The following USH2A variants were observed in gnomAD, a reference collection of about 807,000 sequenced individuals.
USH2A encodes the protein usherin, also known as Usher syndrome 2A (autosomal recessive, mild).
A neutral mutation model predicts 538.9 loss-of-function variants in USH2A; 443 were observed. The observed-to-expected ratio is 0.82, with a 90% CI of 0.76 to 0.89. USH2A has a LOEUF of 0.89. Ranked by LOEUF, USH2A falls within the 40% of genes least tolerant of loss-of-function variation. The probability of loss-of-function intolerance (pLI) is 0.00; values close to 1 mark genes in which losing one functional copy is unlikely to be tolerated. For synonymous variants in USH2A, 2,413 were observed against 2,273.5 expected (o/e 1.06, Z -1.75); for missense variants, 6,633 against 6,324.8 (o/e 1.05, Z -1.65).
At chr1:215,935,701 T>C (rs1185121113) in intron 37 of USH2A, among the ~76,000 whole-genome samples, 1 of 151,912 alleles carries the variant, frequency 6.6e-6, no homozygotes, top group African/African-American at 2.4e-5. Flanking sequence ...CAGATGAAAA[T>C]TGTAACATTT....
chr1:216,057,029 A>G (rs1190716825), intron 30 of USH2A, among the ~76,000 whole-genome samples: 1 of 152,222 alleles, frequency 6.6e-6, no homozygotes, highest in Non-Finnish European at 1.5e-5. Context: ...TCACTGTAGA[A>G]CAAAAGTTAT....
chr1:216,189,795 G>A (rs2274117), intron 20 of USH2A, among the ~76,000 whole-genome samples: 95,554 of 151,650 alleles, frequency 0.63, 30,311 homozygotes, highest in East Asian at 0.76. Context: ...TGAGGGAAGA[G>A]GTATCCTAAC....
intron 49 of USH2A, among the ~76,000 whole-genome samples, chr1:215,800,147 C>T (rs1233208231): frequency 2.6e-5 from 4 of 152,082 alleles, no homozygotes; most frequent in Non-Finnish European, 5.9e-5. Context: ...AATGGCTTCC[C>T]TTAAGGATAC....
At chr1:216,277,430 C>T (rs2036691679) in intron 11 of USH2A, among the ~76,000 whole-genome samples, 1 of 152,094 alleles carries the variant, frequency 6.6e-6, no homozygotes, top group Non-Finnish European at 1.5e-5. Context: ...ATTACAGGGT[C>T]CACCTCCAAG....
At chr1:215,953,544 C>T (rs1384646585) in intron 37 of USH2A, among the ~76,000 whole-genome samples, 2 of 152,094 alleles carry the variant, frequency 1.3e-5, no homozygotes, top group South Asian at 4.2e-4. Context: ...CTTCCTTACA[C>T]CTTATACAAA....
At chr1:216,200,874 T>C (rs977453138) in intron 16 of USH2A, among the ~76,000 whole-genome samples, 3 of 152,076 alleles carry the variant, frequency 2.0e-5, no homozygotes, top group Admixed American at 6.5e-5. Context: ...GCTGTTTGCA[T>C]TGGAGATGCG....
chr1:215,952,058 G>T (rs1281652596), intron 37 of USH2A, among the ~76,000 whole-genome samples: 14 of 151,192 alleles, frequency 9.3e-5, no homozygotes, highest in South Asian at 8.4e-4. Context: ...TAGAGACGGG[G>T]TTTCACCTTG....
chr1:215,843,298 T>A (rs903023004), intron 46 of USH2A, among the ~76,000 whole-genome samples: 2 of 152,198 alleles, frequency 1.3e-5, no homozygotes, highest in Non-Finnish European at 2.9e-5. Flanking sequence ...TATTAAAAAA[T>A]TTTGTAAATT....
chr1:216,193,644 G>A (rs1311945206), intron 19 of USH2A, among the ~76,000 whole-genome samples: 1 of 151,942 alleles, frequency 6.6e-6, no homozygotes. Flanking sequence ...GAAATGAGAC[G>A]GACACACAGA....
chr1:215,710,599 G>A (rs1168484206), intron 61 of USH2A, among the ~76,000 whole-genome samples: 3 of 152,062 alleles, frequency 2.0e-5, no homozygotes, highest in African/African-American at 7.2e-5. Flanking sequence ...GCTCTAGGTG[G>A]AGCACTCAAT....
intron 32 of USH2A, among the ~76,000 whole-genome samples, chr1:216,010,241 A>G (rs1668525737): frequency 6.6e-6 from 1 of 152,178 alleles, no homozygotes; most frequent in Non-Finnish European, 1.5e-5. Context: ...TGCAGCGGCC[A>G]GGCCTTCCTC....
chr1:215,724,477 G>C (rs115255024), intron 61 of USH2A, among the ~76,000 whole-genome samples: 1 of 150,622 alleles, frequency 6.6e-6, no homozygotes, highest in African/African-American at 2.4e-5. Context: ...GGGAGGGAGG[G>C]AGCAGGGTGA....
At position 215,915,195 on chromosome 1, in the gene USH2A, A is replaced by G. The variant is rs76087729; in HGVS notation, c.7301-14290T>C. On this transcript the variant is annotated intron_variant, in intron 38 of 71. Transcript: ENST00000307340. ...TTTGTGCTGCTGTTTGAATCTAGCA[A>G]CTGTCTCCAAAGTTCAAGTTCCTGT... is the stretch of plus-strand genomic sequence containing the variant. Among the ~76,000 whole-genome samples the G allele has an allele frequency of 1.6e-3, 240 of 152,196 alleles. 2 individuals carry two copies. Among genetic ancestry groups the G allele is most frequent in the African/African-American group, 5.3e-3 (219 of 41,568 alleles).
intron 15 of USH2A, among the ~76,000 whole-genome samples, chr1:216,215,906 A>G (rs2035333483): frequency 6.6e-6 from 1 of 152,078 alleles, no homozygotes; most frequent in African/African-American, 2.4e-5. Context: ...TTCCAGTGAC[A>G]TGACTATCCA....
chr1:216,213,710 A>G (rs2035290531), intron 15 of USH2A, among the ~76,000 whole-genome samples: 1 of 151,896 alleles, frequency 6.6e-6, no homozygotes, highest in Admixed American at 6.6e-5. Flanking sequence ...CAAAAACATG[A>G]CCCATAAAGG....
At chr1:215,743,371 C>CACATAT in intron 58 of USH2A, 36 bp from the exon 59 acceptor site, 1 of 403,916 alleles carries the variant, frequency 2.5e-6, no homozygotes, top group Non-Finnish European at 4.1e-6. Flanking sequence ...ACATTAAAAA[C>CACATAT]ATATATATAT....
chr1:216,278,033 G>A (rs1315610555), intron 11 of USH2A, among the ~76,000 whole-genome samples: 2 of 151,978 alleles, frequency 1.3e-5, no homozygotes, highest in Non-Finnish European at 2.9e-5. Flanking sequence ...CATTGCTATT[G>A]GTAGCAAGGC....
At chr1:216,187,670 A>C (rs2102652545) in intron 20 of USH2A, among the ~76,000 whole-genome samples, 1 of 152,074 alleles carries the variant, frequency 6.6e-6, no homozygotes, top group South Asian at 2.1e-4. Flanking sequence ...AAATTCCATA[A>C]CATTTATACT....
intron 22 of USH2A, among the ~76,000 whole-genome samples, chr1:216,095,867 TC>T (rs560115801): frequency 6.6e-6 from 1 of 152,174 alleles, no homozygotes; most frequent in Non-Finnish European, 1.5e-5. Flanking sequence ...CAGTCCATGA[TC>T]CTAGACGCAA....
Sources: allele counts gnomAD v4.1 joint callset (sites outside exome capture counted in the v4.1 genomes callset), GRCh38; gene constraint gnomAD v4.1.1; transcripts MANE v1.5; gene names NCBI Gene and HGNC (gene_info 2026-07-23, HGNC 2026-07-21).